Variants in SAMD12 observed in about 807,000 individuals in gnomAD.
The protein encoded by SAMD12 is sterile alpha motif domain-containing protein 12.
Under a neutral mutation model 15.0 loss-of-function variants are expected in SAMD12, and 9 were observed. That is an observed-to-expected ratio of 0.60 (90% confidence interval 0.36 to 1.05). The LOEUF (loss-of-function observed/expected upper bound fraction) is 1.05, where lower values mean the gene tolerates loss of function less well. Among genes scored for constraint, SAMD12 ranks in the 50% least tolerant of loss-of-function variants. The pLI, the probability that SAMD12 is intolerant of heterozygous loss-of-function variation, is 0.01. For synonymous variants in SAMD12, 86 were observed against 90.1 expected (o/e 0.96, Z 0.25); for missense variants, 230 against 234.2 (o/e 0.98, Z 0.12).
chr8:118,223,217 C>T (rs1260395088), intron 4 of SAMD12, among the ~76,000 whole-genome samples: 1 of 152,136 alleles, frequency 6.6e-6, no homozygotes. Flanking sequence ...TTCTGAAAGC[C>T]AAACACAAAC....
intron 1 of SAMD12, among the ~76,000 whole-genome samples, chr8:118,583,024 G>T (rs1316446524): frequency 6.6e-6 from 1 of 152,098 alleles, no homozygotes; most frequent in Non-Finnish European, 1.5e-5. Flanking sequence ...AAAGGGCTTG[G>T]TTGACTATGG....
the SAMD12 span, among the ~76,000 whole-genome samples, chr8:118,142,957 G>A: frequency 6.6e-6 from 1 of 152,212 alleles, no homozygotes; most frequent in Non-Finnish European, 1.5e-5. Flanking sequence ...TAAACCACAG[G>A]CACCGGCCAG....
intron 4 of SAMD12, among the ~76,000 whole-genome samples, chr8:118,274,467 G>C (rs1450984989): frequency 1.3e-5 from 2 of 152,134 alleles, no homozygotes; most frequent in African/African-American, 4.8e-5. Flanking sequence ...ACAAAATGTA[G>C]AGTGTAGAGT....
At chr8:118,382,307 C>T (rs953071030) in intron 3 of SAMD12, among the ~76,000 whole-genome samples, 5 of 152,184 alleles carry the variant, frequency 3.3e-5, no homozygotes, top group Admixed American at 6.5e-5. Context: ...ACTGATAAGA[C>T]ACATGGCTGC....
intron 2 of SAMD12, among the ~76,000 whole-genome samples, chr8:118,568,933 A>AT (rs1419769119): frequency 6.6e-6 from 1 of 152,042 alleles, no homozygotes; most frequent in African/African-American, 2.4e-5. Context: ...TGTAATGCCA[A>AT]TTTTAAAAAA....
intron 4 of SAMD12, among the ~76,000 whole-genome samples, chr8:118,331,620 G>A (rs536409347): frequency 9.7e-4 from 148 of 152,292 alleles, no homozygotes; most frequent in South Asian, 4.6e-3. Flanking sequence ...GCTCTAGATC[G>A]CCAATGTTCT....
At chr8:118,608,973 G>C (rs947811481) in intron 1 of SAMD12, among the ~76,000 whole-genome samples, 13 of 152,116 alleles carry the variant, frequency 8.5e-5, no homozygotes, top group Non-Finnish European at 2.9e-5. Context: ...ATAAACAGGA[G>C]TTATATTCCC....
chr8:118,162,159 CAAA>C, the SAMD12 span, among the ~76,000 whole-genome samples: 103,408 of 140,058 alleles, frequency 0.74, 38,985 homozygotes, highest in Non-Finnish European at 0.84. Flanking sequence ...GACTCTGTCT[CAAA>C]AAAAAAAAAA....
chr8:118,507,432 G>A (rs1563900053), intron 2 of SAMD12, among the ~76,000 whole-genome samples: 1 of 152,074 alleles, frequency 6.6e-6, no homozygotes, highest in East Asian at 1.9e-4. Context: ...GAGGGTTTAT[G>A]ATGTACCGAG....
At chr8:118,524,737 T>A in intron 2 of SAMD12, among the ~76,000 whole-genome samples, 1 of 152,172 alleles carries the variant, frequency 6.6e-6, no homozygotes, top group East Asian at 1.9e-4. Context: ...GACCTTCCAA[T>A]TGCTCAGGCC....
the SAMD12 span, among the ~76,000 whole-genome samples, chr8:118,172,246 A>C: frequency 6.6e-6 from 1 of 151,266 alleles, no homozygotes; most frequent in Admixed American, 6.6e-5. Flanking sequence ...CTAGAACTTA[A>C]AGTAAAATTA....
chr8:118,220,498 C>T (rs976787364), intron 4 of SAMD12, among the ~76,000 whole-genome samples: 2 of 152,136 alleles, frequency 1.3e-5, no homozygotes, highest in African/African-American at 4.8e-5. Flanking sequence ...TAAGTAACAC[C>T]TTACCTCCTT....
In SAMD12 at chr8:118,434,893, G is replaced by A. The variant is rs1348781529; in HGVS notation, c.322+4939C>T. 3.3e-5 allele frequency among the ~76,000 whole-genome samples: 3 copies of A among 91,060 alleles called. 1 individual carries two copies. Among genetic ancestry groups the A allele is most frequent in the African/African-American group, 6.5e-5 (2 of 30,778 alleles). The allele number at this position is 91,060 out of a possible 152,430, so 59.7% of individuals were successfully genotyped here. ...AGGCGGGCGGATCACGAGGTCAGGAGATCGAGACCATCCCGGCTAAAAAAA... is the reference window on the plus strand; with the variant it reads ...AGGCGGGCGGATCACGAGGTCAGGAAATCGAGACCATCCCGGCTAAAAAAA... On this transcript the variant is annotated intron_variant, in intron 3 of 3. Transcript: ENST00000314727.
intron 2 of SAMD12, among the ~76,000 whole-genome samples, chr8:118,545,757 T>C (rs1301715251): frequency 1.3e-5 from 2 of 152,186 alleles, no homozygotes; most frequent in South Asian, 2.1e-4. Context: ...ATTTCGGAAA[T>C]GTTAAAAGGT....
At chr8:118,544,899 G>T (rs72678157) in intron 2 of SAMD12, among the ~76,000 whole-genome samples, 1 of 152,132 alleles carries the variant, frequency 6.6e-6, no homozygotes, top group Non-Finnish European at 1.5e-5. Context: ...TAGGTGCTTC[G>T]ACATATAACG....
At chr8:118,550,944 A>C (rs1223832894) in intron 2 of SAMD12, among the ~76,000 whole-genome samples, 1 of 151,102 alleles carries the variant, frequency 6.6e-6, no homozygotes, top group Non-Finnish European at 1.5e-5. Context: ...GCCATTACAT[A>C]ATGGTAAAGG....
chr8:118,258,024 C>G (rs2130048885), intron 4 of SAMD12, among the ~76,000 whole-genome samples: 1 of 152,242 alleles, frequency 6.6e-6, no homozygotes, highest in South Asian at 2.1e-4. Context: ...CCTGGTTAAG[C>G]AGACCATTAG....
chr8:118,496,896 T>TA (rs142488503), intron 2 of SAMD12, among the ~76,000 whole-genome samples: 1 of 151,310 alleles, frequency 6.6e-6, no homozygotes, highest in Middle Eastern at 3.4e-3. Flanking sequence ...ATGACCCCAT[T>TA]AAAAAAATGG....
At chr8:118,484,535 A>T (rs991832162) in intron 2 of SAMD12, among the ~76,000 whole-genome samples, 1 of 152,206 alleles carries the variant, frequency 6.6e-6, no homozygotes. Context: ...CATATTCTGT[A>T]TATTCTTATC....
Sources: gnomAD v4.1 joint callset for allele counts (sites outside exome capture counted in the v4.1 genomes callset) on GRCh38, gnomAD v4.1.1 for gene constraint, MANE v1.5 for transcripts, NCBI Gene and HGNC (gene_info 2026-07-23, HGNC 2026-07-21) for gene names.